The following AP1G1 variants were observed in gnomAD, a reference collection of about 807,000 sequenced individuals.
The protein encoded by AP1G1 is adaptor related protein complex 1 subunit gamma 1.
Under a neutral mutation model 108.3 loss-of-function variants are expected in AP1G1, and 7 were observed. That is an observed-to-expected ratio of 0.06 (90% CI 0.04 to 0.12). The LOEUF (loss-of-function observed/expected upper bound fraction) is 0.12. Among genes scored for constraint, AP1G1 ranks in the 10% least tolerant of loss-of-function variants. The pLI is 1.00. For missense variants in AP1G1, 756 were observed against 1,010.7 expected, an observed-to-expected ratio of 0.75 and a Z score of 3.42; for synonymous variants, 379 against 353.5, an observed-to-expected ratio of 1.07 and a Z score of -0.81.
chr16:71,754,037 G>A (rs377552033), intron 12 of AP1G1, 150 bp from the exon 13 acceptor site: 47 of 710,380 alleles, frequency 6.6e-5, no homozygotes, highest in South Asian at 6.0e-4. Context: ...TCAGGAGTTC[G>A]AGACCAGCCT....
At chr16:71,747,377 G>C (rs796813244) in intron 16 of AP1G1, 3 of 152,096 alleles carry the variant, frequency 2.0e-5, no homozygotes, top group Non-Finnish European at 2.9e-5. Context: ...TCAGGAGTTC[G>C]AGACCAGTCT....
chr16:71,771,220 T>C lies in AP1G1; in HGVS notation c.501A>G (p.Lys167=), dbSNP rs1336716294. 1 of 1,609,010 alleles carries C rather than the reference T, an allele frequency of 6.2e-7. No individual in the cohort carries two copies. The highest frequency in any genetic ancestry group is 8.5e-7 in the Non-Finnish European group (1 of 1,178,490). The change falls in exon 5 of 23, where the codon AAA becomes AAG. Residue 167 remains lysine, a synonymous_variant. Coordinates refer to ENST00000299980, the MANE Select transcript of AP1G1 (RefSeq NM_001128.6). ...AALCAVHVIR[K]VPELMEMFLP... is the part of the protein sequence containing the mutation. Reference sequence around the variant, plus strand: ...AAAACATCTCCATAAGTTCAGGAACTTTCCTGATGACATGAACAGCACACA... The same window carrying C: ...AAAACATCTCCATAAGTTCAGGAACCTTCCTGATGACATGAACAGCACACA...
intron 1 of AP1G1, among the ~76,000 whole-genome samples, chr16:71,795,480 G>T (rs903209484): frequency 2.6e-5 from 4 of 152,184 alleles, no homozygotes; most frequent in Non-Finnish European, 4.4e-5. Context: ...TTCAAGGGAT[G>T]TAAGTTAACA....
intron 1 of AP1G1, among the ~76,000 whole-genome samples, chr16:71,799,499 G>A (rs1205047563): frequency 6.6e-6 from 1 of 152,182 alleles, no homozygotes; most frequent in African/African-American, 2.4e-5. Context: ...TGAGTGCAGT[G>A]GCTCACACCT....
At chr16:71,783,118 T>C (rs1056374466) in intron 2 of AP1G1, among the ~76,000 whole-genome samples, 4 of 152,200 alleles carry the variant, frequency 2.6e-5, no homozygotes, top group African/African-American at 9.6e-5. Context: ...AGAAAGCGTG[T>C]CTACTAAACC....
At chr16:71,800,674 G>A (rs2032763973) in intron 1 of AP1G1, among the ~76,000 whole-genome samples, 1 of 152,030 alleles carries the variant, frequency 6.6e-6, no homozygotes, top group South Asian at 2.1e-4. Context: ...GGTGGTGGGT[G>A]CCTGTAGTCC....
At chr16:71,800,952 G>A (rs1239065721) in intron 1 of AP1G1, among the ~76,000 whole-genome samples, 2 of 152,108 alleles carry the variant, frequency 1.3e-5, no homozygotes, top group African/African-American at 2.4e-5. Flanking sequence ...CTGAGATCAC[G>A]CCATTGCACT....
intron 1 of AP1G1, among the ~76,000 whole-genome samples, chr16:71,800,289 T>A (rs1445375729): frequency 6.9e-6 from 1 of 144,492 alleles, no homozygotes; most frequent in Non-Finnish European, 1.5e-5. Context: ...GAGAATGGCG[T>A]GAACCCAGGA....
intron 4 of AP1G1, among the ~76,000 whole-genome samples, chr16:71,771,463 A>C (rs1170712774): frequency 6.6e-6 from 1 of 152,226 alleles, no homozygotes; most frequent in East Asian, 1.9e-4. Flanking sequence ...AGGCAGGAGA[A>C]TCACTTGAGC....
intron 19 of AP1G1, among the ~76,000 whole-genome samples, chr16:71,743,879 G>C (rs1289162162): frequency 6.7e-6 from 1 of 148,708 alleles, no homozygotes; most frequent in Non-Finnish European, 1.5e-5. Flanking sequence ...CCAGGTTGCA[G>C]AGGCTGCAGT....
rs1448186419 is a variant in AP1G1 at position 71,729,814 on chromosome 16, AC to A, written c.*3243del. On this transcript the variant is annotated 3_prime_UTR_variant, in exon 23 of 23. Transcript: ENST00000299980. ...CTCTCTAGTTTTCTCAGTTTAGGAC[AC>A]TGTGGTTAAAATACATTCACTAGAA... is the stretch of plus-strand genomic sequence containing the variant. 6.6e-6 allele frequency: 1 copy of A among 152,644 alleles called. No individual in the cohort carries two copies. Among genetic ancestry groups the A allele is most frequent in the African/African-American group, 2.4e-5 (1 of 41,460 alleles). 9.5% of individuals were successfully genotyped at this position (152,644 alleles called of 1,614,324 possible). A position where few individuals can be genotyped will look rare whatever the true frequency, so the allele number is the denominator to read the frequency against.
chr16:71,762,462 A>C (rs975870981), intron 9 of AP1G1, among the ~76,000 whole-genome samples: 1 of 152,172 alleles, frequency 6.6e-6, no homozygotes, highest in Non-Finnish European at 1.5e-5. Flanking sequence ...CCAGGGGAAC[A>C]ACCATGATAT....
rs1567669490 is a variant in AP1G1, at chr16:71,808,805, G to GGCAGCAGTGGCAGCA, written c.-61_-47dup. ...TGAAACCAGCAGCTCCGGGGGCGGC[G>GGCAGCAGTGGCAGCA]GCAGCAGTGGCAGCAGGAACCGAAC... On this transcript the variant is annotated 5_prime_UTR_variant, in exon 1 of 23. Transcript: ENST00000299980. 1 of 1,289,708 alleles carries GGCAGCAGTGGCAGCA rather than the reference G, an allele frequency of 7.8e-7. No individual in the cohort carries two copies. The highest frequency in any genetic ancestry group is 1.2e-5 in the South Asian group (1 of 81,016). The allele number at this position is 1,289,708 out of a possible 1,614,324, so 79.9% of individuals were successfully genotyped here. A position where few individuals can be genotyped will look rare whatever the true frequency, so the allele number is the denominator to read the frequency against.
intron 1 of AP1G1, among the ~76,000 whole-genome samples, chr16:71,799,347 T>C (rs1567665041): frequency 6.6e-6 from 1 of 152,208 alleles, no homozygotes; most frequent in Non-Finnish European, 1.5e-5. Context: ...ACAAGGATAT[T>C]TATTGTAGCA....
chr16:71,784,134 T>G (rs1162839979), intron 2 of AP1G1, among the ~76,000 whole-genome samples: 1 of 152,220 alleles, frequency 6.6e-6, no homozygotes, highest in African/African-American at 2.4e-5. Flanking sequence ...CAAAAAACAT[T>G]GCCGTCCTTT....
intron 2 of AP1G1, among the ~76,000 whole-genome samples, chr16:71,781,926 A>T (rs570879972): frequency 6.6e-6 from 1 of 152,316 alleles, no homozygotes; most frequent in African/African-American, 2.4e-5. Flanking sequence ...TGCACCACTT[A>T]GAGCCAGTGG....
rs1441633189 is a variant in AP1G1 at position 71,806,673 on chromosome 16, A to G, written c.-4+2090T>C. The stretch of plus-strand genomic sequence containing the variant: ...ATGGAACATTTCAGTAGTAACTGCG[A>G]GGGCATACTTACTAAATGAGTGAGC... On this transcript the variant is annotated intron_variant, in intron 1 of 22. Transcript: ENST00000299980. 5 of 1,282,456 alleles carry G rather than the reference A, an allele frequency of 3.9e-6. No individual in the cohort carries two copies. The South Asian group carries it at 6.2e-5, about 16-fold the overall frequency. 79.4% of individuals were successfully genotyped at this position (1,282,456 alleles called of 1,614,324 possible).
At chr16:71,761,620 T>C (rs1341295854) in intron 9 of AP1G1, 53 bp from the exon 10 acceptor site, 1 of 1,347,860 alleles carries the variant, frequency 7.4e-7, no homozygotes, top group Non-Finnish European at 1.1e-6. Context: ...TTTTATATTG[T>C]TTCCTGAGTT....
intron 1 of AP1G1, among the ~76,000 whole-genome samples, chr16:71,802,135 G>A (rs184077127): frequency 6.6e-6 from 1 of 152,100 alleles, no homozygotes; most frequent in Admixed American, 6.6e-5. Flanking sequence ...TGATTATACA[G>A]TTGTACAACT....
Sources: allele counts gnomAD v4.1 joint callset (sites outside exome capture counted in the v4.1 genomes callset), GRCh38; gene constraint gnomAD v4.1.1; transcripts MANE v1.5; gene names NCBI Gene and HGNC (gene_info 2026-07-23, HGNC 2026-07-21).